CEMIP: variants seen among roughly 807,000 people sequenced by gnomAD.
CEMIP encodes cell migration-inducing and hyaluronan-binding protein.
Under a neutral mutation model 156.9 loss-of-function variants are expected in CEMIP, and 105 were observed. The observed-to-expected ratio is 0.67, with a 90% confidence interval of 0.57 to 0.79. The LOEUF (loss-of-function observed/expected upper bound fraction) is 0.79. Ranked by LOEUF, CEMIP falls within the 30% of genes least tolerant of loss-of-function variation. The pLI is 0.00. For synonymous variants in CEMIP, 676 were observed against 668.4 expected, an observed-to-expected ratio of 1.01 and a Z score of -0.17; for missense variants, 1,457 against 1,769.4, an observed-to-expected ratio of 0.82 and a Z score of 3.17.
chr15:80,825,605 A>C (rs901363404), intron 1 of CEMIP, among the ~76,000 whole-genome samples: 1 of 152,254 alleles, frequency 6.6e-6, no homozygotes, highest in African/African-American at 2.4e-5. Flanking sequence ...CCATGGTTCA[A>C]ACAAGTAAGC....
intron 3 of CEMIP, among the ~76,000 whole-genome samples, chr15:80,877,392 T>A (rs1369939786): frequency 6.6e-6 from 1 of 152,184 alleles, no homozygotes; most frequent in Non-Finnish European, 1.5e-5. Context: ...CCAGAGTTTC[T>A]CATCTGAAAC....
intron 12 of CEMIP, among the ~76,000 whole-genome samples, chr15:80,896,545 A>G (rs1364176134): frequency 1.3e-5 from 2 of 152,356 alleles, no homozygotes; most frequent in East Asian, 3.9e-4. Context: ...TATTCAATCT[A>G]CTACAAAATT....
intron 14 of CEMIP, among the ~76,000 whole-genome samples, chr15:80,911,527 CCACACACACACACA>C (rs10596688): frequency 6.7e-6 from 1 of 148,970 alleles, no homozygotes; most frequent in African/African-American, 2.4e-5. Context: ...GGAAAATACA[CCACACACACACACA>C]CACACACACA....
At chr15:80,920,988 G>C (rs779356820) in intron 15 of CEMIP, 44 bp from the exon 16 acceptor site, 1 of 1,563,756 alleles carries the variant, frequency 6.4e-7, no homozygotes, top group East Asian at 2.2e-5. Context: ...GATGACCCCT[G>C]GCGGCCCTTT....
chr15:80,927,151 G>C (rs1900727616), intron 19 of CEMIP, among the ~76,000 whole-genome samples: 1 of 151,774 alleles, frequency 6.6e-6, no homozygotes. Flanking sequence ...TTTTGCACAG[G>C]AGAAAAGAAG....
intron 1 of CEMIP, among the ~76,000 whole-genome samples, chr15:80,830,950 A>T (rs1164337177): frequency 6.6e-6 from 1 of 152,112 alleles, no homozygotes; most frequent in Non-Finnish European, 1.5e-5. Flanking sequence ...TGAATGTTTT[A>T]TGTGTATTTT....
chr15:80,810,463 A>T (rs1280387589), intron 1 of CEMIP, among the ~76,000 whole-genome samples: 1 of 152,034 alleles, frequency 6.6e-6, no homozygotes, highest in African/African-American at 2.4e-5. Context: ...CGCCTTCCGG[A>T]TTCATGCCAT....
At chr15:80,934,616 C>T (rs1162382077) in intron 23 of CEMIP, among the ~76,000 whole-genome samples, 1 of 152,132 alleles carries the variant, frequency 6.6e-6, no homozygotes, top group East Asian at 1.9e-4. Flanking sequence ...ATTATCACCA[C>T]CGTGGGTGTC....
rs189864871 is a variant in CEMIP, at chr15:80,788,877, G to A, written c.-176+9263G>A. Among the ~76,000 whole-genome samples, 28 of 151,006 alleles carry A rather than the reference G, an allele frequency of 1.9e-4. No individual in the cohort carries two copies. The East Asian group carries it at 5.4e-3, about 29-fold the overall frequency. On this transcript the variant is annotated intron_variant, in intron 1 of 29. Coordinates refer to ENST00000394685, the MANE Select transcript of CEMIP (RefSeq NM_001293298.2). ...TCTAAAGCTTTATATTAGACACAAG[G>A]AAACATAAGCACTAGAGGCAAAAAA... is the stretch of plus-strand genomic sequence containing the variant.
chr15:80,890,217 T>G (rs569836814), intron 10 of CEMIP, among the ~76,000 whole-genome samples: 81 of 152,222 alleles, frequency 5.3e-4, no homozygotes, highest in African/African-American at 1.9e-3. Context: ...TAAATGAGAT[T>G]TATCTCCTTA....
Position 80,925,667 on chromosome 15 carries a change from C to A in CEMIP, c.2332C>A (p.Pro778Thr). ...QDADPLKPRE[P>T]AIIRHFIAYK... ...CGCCGACCCGCTGAAGCCCCGGGAG[C>A]CGGCCATCATCAGACACTTCATTGC... is the stretch of plus-strand genomic sequence containing the variant. Residue 778 changes from proline (P) to threonine (T), a missense_variant, in exon 19 of 30, where the codon CCG (proline) becomes ACG (threonine). This residue lies in a region of CEMIP where 798 missense variants were observed against 980.1 expected (regional missense o/e 0.81). Coordinates refer to ENST00000394685, the MANE Select transcript of CEMIP (RefSeq NM_001293298.2). The A allele has an allele frequency of 6.2e-7, 1 of 1,613,680 alleles. No homozygotes were observed. Among genetic ancestry groups the A allele is most frequent in the South Asian group, 1.1e-5 (1 of 91,078 alleles).
At position 80,947,071 on chromosome 15, in the gene CEMIP, G is replaced by C. The variant is rs377570884; in HGVS notation, c.3958+6G>C. The C allele has an allele frequency of 5.2e-5, 83 of 1,594,170 alleles. No individual in the cohort carries two copies. Among genetic ancestry groups the C allele is most frequent in the Non-Finnish European group, 6.7e-5 (78 of 1,162,176 alleles). ...CAGGGGTCTCAAGTTGAAAGGTAAG[G>C]GTTTGAACTGGGGTTTAAACTGACC... On this transcript the variant is annotated splice_donor_region_variant and intron_variant, in intron 29 of 29. Coordinates refer to ENST00000394685, the MANE Select transcript of CEMIP (RefSeq NM_001293298.2).
intron 1 of CEMIP, among the ~76,000 whole-genome samples, chr15:80,805,053 G>A (rs1053793389): frequency 6.6e-6 from 1 of 152,062 alleles, no homozygotes; most frequent in South Asian, 2.1e-4. Flanking sequence ...TAGCACGAGA[G>A]GGCCCCAATT....
intron 12 of CEMIP, among the ~76,000 whole-genome samples, chr15:80,900,632 G>GTC (rs1567090878): frequency 1.6e-4 from 21 of 134,810 alleles, no homozygotes; most frequent in Admixed American, 4.3e-4. Flanking sequence ...GTGTGTGTGT[G>GTC]TGTGTGTGTG....
At position 80,947,285 on chromosome 15, in the gene CEMIP, C is replaced by T. The variant is rs564003950; in HGVS notation, c.3958+220C>T. 5.4e-5 allele frequency: 28 copies of T among 520,382 alleles called. No individual in the cohort carries two copies. The East Asian group carries it at 8.1e-4, about 15-fold the overall frequency. 32.2% of individuals were successfully genotyped at this position (520,382 alleles called of 1,614,324 possible). ...ACTGCAGCAAATTTATTATAACTTG[C>T]CACCAGCCACTGAAAGAAAATTGCT... is the stretch of plus-strand genomic sequence containing the variant. On this transcript the variant is annotated intron_variant, in intron 29 of 29. Coordinates refer to ENST00000394685, the MANE Select transcript of CEMIP (RefSeq NM_001293298.2).
chr15:80,948,460 G>A (rs1567115364), intron 29 of CEMIP: 1 of 381,492 alleles, frequency 2.6e-6, no homozygotes, highest in Non-Finnish European at 5.1e-6. Flanking sequence ...CTTGCTGGTT[G>A]TCCTAGGGGC....
chr15:80,803,971 G>A (rs906051015), intron 1 of CEMIP, among the ~76,000 whole-genome samples: 1 of 152,194 alleles, frequency 6.6e-6, no homozygotes, highest in African/African-American at 2.4e-5. Flanking sequence ...TCCACAGCTG[G>A]GGAGGCCTCA....
intron 1 of CEMIP, among the ~76,000 whole-genome samples, chr15:80,788,486 A>G (rs1315403872): frequency 6.7e-6 from 1 of 149,670 alleles, no homozygotes; most frequent in Non-Finnish European, 1.5e-5. Flanking sequence ...AAAAAAAAAA[A>G]GAAAAAAGAA....
intron 1 of CEMIP, among the ~76,000 whole-genome samples, chr15:80,870,270 T>C (rs573733701): frequency 6.6e-6 from 1 of 152,280 alleles, no homozygotes; most frequent in African/African-American, 2.4e-5. Flanking sequence ...CCCTCTGCTG[T>C]CTTATCCCAG....
Sources: allele counts gnomAD v4.1 joint callset (sites outside exome capture counted in the v4.1 genomes callset), GRCh38; gene constraint gnomAD v4.1.1; regional missense constraint gnomAD v4.1.1; transcripts MANE v1.5; gene names NCBI Gene and HGNC (gene_info 2026-07-23, HGNC 2026-07-21).